Variants in TNFRSF10A observed in about 807,000 individuals in gnomAD.
TNFRSF10A encodes tumor necrosis factor receptor superfamily member 10A.
In TNFRSF10A, 44 loss-of-function variants were observed where a neutral mutation model predicts 42.8. The observed-to-expected ratio is 1.03, with a 90% CI of 0.81 to 1.32. The LOEUF (loss-of-function observed/expected upper bound fraction) is 1.32, where lower values mean the gene tolerates loss of function less well. TNFRSF10A is among the 40% of genes most tolerant of loss of function. The pLI, the probability that TNFRSF10A is intolerant of heterozygous loss-of-function variation, is 0.00. For synonymous variants in TNFRSF10A, 259 were observed against 234.2 expected, an observed-to-expected ratio of 1.11 and a Z score of -0.97; for missense variants, 680 against 602.0, an observed-to-expected ratio of 1.13 and a Z score of -1.36.
intron 1 of TNFRSF10A, among the ~76,000 whole-genome samples, chr8:23,223,068 A>AT (rs1019906115): frequency 8.6e-5 from 13 of 151,662 alleles, no homozygotes; most frequent in African/African-American, 3.1e-4. Flanking sequence ...TTTCTTTTTT[A>AT]TTTTTTTTCT....
rs1181552853 is a variant in TNFRSF10A, at chr8:23,201,790, C to G, written c.629+18G>C. On this transcript the variant is annotated intron_variant, in intron 4 of 9. Transcript: ENST00000221132. ...GGGTTCTTTGAGGCTGCTGGGAGCC[C>G]CTTGGCTGTTGTCTCACCCTCTGCT... 6.2e-7 allele frequency: 1 copy of G among 1,610,746 alleles called. No individual in the cohort carries two copies.
chr8:23,199,240 C>A, intron 8 of TNFRSF10A, 26 bp downstream of exon 8: 1 of 1,603,180 alleles, frequency 6.2e-7, no homozygotes, highest in East Asian at 2.2e-5. Context: ...CCTACAAGGT[C>A]TTGGAGGGGC....
At chr8:23,209,031 G>A (rs1170143715) in intron 2 of TNFRSF10A, among the ~76,000 whole-genome samples, 3 of 152,298 alleles carry the variant, frequency 2.0e-5, no homozygotes, top group African/African-American at 7.2e-5. Context: ...GTGCTGTGTG[G>A]AGTCTAGGGA....
Position 23,199,426 on chromosome 8 carries a change from A to T in TNFRSF10A, c.854T>A (p.Leu285His), listed in dbSNP as rs143030810. The T allele has an allele frequency of 5.6e-6, 9 of 1,612,510 alleles. No homozygotes were observed. The highest frequency in any genetic ancestry group is 7.6e-6 in the Non-Finnish European group (9 of 1,178,722). Residue 285 changes from leucine to histidine, a missense_variant, in exon 8 of 10, where the codon CTC becomes CAC. By Grantham distance (99) the Leu-to-His change is moderately conservative. Coordinates refer to ENST00000221132, the MANE Select transcript of TNFRSF10A (RefSeq NM_003844.4). ...MDRVCFWRLGLLRGPGAEDNA... is the reference protein window; with the variant it reads ...MDRVCFWRLGHLRGPGAEDNA... ...GTCCTCAGCCCCAGGCCCTCGTAGG[A>T]GACCCAAGCGCCAGAAACACACCTT... is the stretch of plus-strand genomic sequence containing the variant.
intron 4 of TNFRSF10A, among the ~76,000 whole-genome samples, chr8:23,201,307 T>C (rs1296598533): frequency 6.6e-6 from 1 of 152,130 alleles, no homozygotes; most frequent in African/African-American, 2.4e-5. Flanking sequence ...CAGGTCCTCA[T>C]GGGAACTTGA....
chr8:23,217,916 G>A (rs1366559274), intron 1 of TNFRSF10A, among the ~76,000 whole-genome samples: 1 of 152,220 alleles, frequency 6.6e-6, no homozygotes, highest in Non-Finnish European at 1.5e-5. Flanking sequence ...TGCCACTGGT[G>A]GCAGGGACAC....
intron 1 of TNFRSF10A, among the ~76,000 whole-genome samples, chr8:23,223,050 C>A (rs1254901703): frequency 2.0e-5 from 3 of 152,220 alleles, no homozygotes; most frequent in Middle Eastern, 3.4e-3. Flanking sequence ...AATTATCCAG[C>A]GTCAAGTTTT....
At chr8:23,212,309 G>T in intron 1 of TNFRSF10A, 97 bp from the exon 2 acceptor site, 1 of 1,033,604 alleles carries the variant, frequency 9.7e-7, no homozygotes, top group Non-Finnish European at 1.5e-6. Context: ...TCCAAAATTA[G>T]ACAGAACTTG....
Position 23,191,750 on chromosome 8 carries a change from A to C in TNFRSF10A, c.1351T>G (p.Ser451Ala). ...REKIQDLLVD[S>A]GKFIYLEDGT... Reference sequence around the variant, plus strand: ...TCTTCTAAGTAGATGAACTTTCCAGAGTCCACCAAGAGGTCCTGAATCTTC... The same window carrying C: ...TCTTCTAAGTAGATGAACTTTCCAGCGTCCACCAAGAGGTCCTGAATCTTC... Residue 451 changes from serine to alanine, a missense_variant, in exon 10 of 10, where the codon TCT becomes GCT. Transcript: ENST00000221132. 2 of 1,614,178 alleles carry C rather than the reference A, an allele frequency of 1.2e-6. No individual in the cohort carries two copies. Among genetic ancestry groups the C allele is most frequent in the South Asian group, 1.1e-5 (1 of 91,088 alleles).
intron 9 of TNFRSF10A, among the ~76,000 whole-genome samples, chr8:23,193,872 G>A (rs529237327): frequency 6.6e-6 from 1 of 152,278 alleles, no homozygotes; most frequent in Admixed American, 6.5e-5. Flanking sequence ...ATATTGCTTG[G>A]AAACTGAAGT....
chr8:23,223,209 G>A (rs1801281403), intron 1 of TNFRSF10A, among the ~76,000 whole-genome samples: 1 of 152,160 alleles, frequency 6.6e-6, no homozygotes, highest in East Asian at 1.9e-4. Context: ...GGGACTACAG[G>A]CGGCCACCAC....
At chr8:23,200,077 T>G (rs955412418) in intron 6 of TNFRSF10A, among the ~76,000 whole-genome samples, 160 bp from the exon 7 acceptor site, 9 of 152,118 alleles carry the variant, frequency 5.9e-5, no homozygotes, top group Admixed American at 2.0e-4. Context: ...CGGGAGATCC[T>G]TCAGGAGCGG....
chr8:23,200,946 C>T lies in TNFRSF10A; in HGVS notation c.630-186G>A, dbSNP rs1298450814. Among the ~76,000 whole-genome samples the T allele has an allele frequency of 3.9e-5, 6 of 152,190 alleles. No homozygotes were observed. In the East Asian group the frequency reaches 1.2e-3, roughly 29 times the overall value. On this transcript the variant is annotated intron_variant, in intron 4 of 9. Coordinates refer to ENST00000221132, the MANE Select transcript of TNFRSF10A (RefSeq NM_003844.4). Reference sequence around the variant, plus strand: ...GGCTGGGGAAGGGTCTGAGCATGCACACTTTACCCCCTTGGCCTCCCTGCT... The same window carrying T: ...GGCTGGGGAAGGGTCTGAGCATGCATACTTTACCCCCTTGGCCTCCCTGCT...
chr8:23,199,762 C>T, intron 7 of TNFRSF10A, 124 bp downstream of exon 7: 1 of 1,352,454 alleles, frequency 7.4e-7, no homozygotes, highest in South Asian at 1.2e-5. Context: ...GCACAGCATC[C>T]AGGCCACTTC....
In TNFRSF10A at chr8:23,212,250, C is replaced by T. The variant is rs116858337; in HGVS notation, c.307-38G>A. ...AGCAGGGACTGGCATGAGTGGCTTC[C>T]AGATCTCACCCATTACAAGATCAAT... is the stretch of plus-strand genomic sequence containing the variant. On this transcript the variant is annotated intron_variant, in intron 1 of 9. Coordinates refer to ENST00000221132, the MANE Select transcript of TNFRSF10A (RefSeq NM_003844.4). The T allele has an allele frequency of 4.7e-4, 731 of 1,547,148 alleles. 14 individuals are homozygous for T. In the East Asian group the frequency reaches 0.016, roughly 33 times the overall value.
chr8:23,191,635 A>C lies in TNFRSF10A; in HGVS notation c.*59T>G, dbSNP rs184200571. On this transcript the variant is annotated 3_prime_UTR_variant, in exon 10 of 10. Transcript: ENST00000221132. ...TTTGTATACATGTTAAAAAAAAAAAAAACCTAATATGTATTAACTCCTAAC... is the reference window on the plus strand; with the variant it reads ...TTTGTATACATGTTAAAAAAAAAAACAACCTAATATGTATTAACTCCTAAC... 5.2e-5 allele frequency: 77 copies of C among 1,478,110 alleles called. No homozygotes were observed. The African/African-American group carries it at 9.4e-4, about 18-fold the overall frequency. 91.6% of individuals were successfully genotyped at this position (1,478,110 alleles called of 1,614,324 possible).
At chr8:23,199,511 G>T (rs1585280451) in intron 7 of TNFRSF10A, 63 bp from the exon 8 acceptor site, 1 of 1,574,324 alleles carries the variant, frequency 6.4e-7, no homozygotes, top group East Asian at 2.3e-5. Context: ...GGTCCGTAGG[G>T]CACGGCTGGA....
In TNFRSF10A at chr8:23,200,566, C is replaced by A; in HGVS notation, c.738G>T (p.Val246=). The change falls in exon 6 of 10, where the codon GTG becomes GTT. Residue 246 remains valine, a synonymous_variant. Transcript: ENST00000221132. ...NGHNIWVILV[V]TLVVPLLLVA... ...CCAACAGCAACGGAACAACCAAAGT[C>A]ACAACCAAAATCACCCATATATTAT... 6.2e-7 allele frequency: 1 copy of A among 1,614,180 alleles called. No individual in the cohort carries two copies. The highest frequency in any genetic ancestry group is 8.5e-7 in the Non-Finnish European group (1 of 1,179,998).
intron 9 of TNFRSF10A, among the ~76,000 whole-genome samples, chr8:23,195,205 T>C (rs1030101904): frequency 6.6e-5 from 10 of 152,166 alleles, no homozygotes; most frequent in Non-Finnish European, 1.5e-4. Context: ...AGATTGTGAT[T>C]GTTAACCAAA....
Sources: allele counts gnomAD v4.1 joint callset (sites outside exome capture counted in the v4.1 genomes callset), GRCh38; gene constraint gnomAD v4.1.1; transcripts MANE v1.5; gene names NCBI Gene and HGNC (gene_info 2026-07-23, HGNC 2026-07-21).